The following CERS3 variants were observed in gnomAD, a reference collection of about 807,000 sequenced individuals.
CERS3 encodes the protein ceramide synthase 3.
In CERS3, 33 loss-of-function variants were observed where a neutral mutation model predicts 50.3. The ratio of observed to expected loss-of-function variants is 0.66; its 90% CI spans 0.50 to 0.88. The LOEUF (loss-of-function observed/expected upper bound fraction) is 0.88, where lower values mean the gene tolerates loss of function less well. Ranked by LOEUF, CERS3 falls within the 40% of genes least tolerant of loss-of-function variation. The pLI is 0.00. For missense variants in CERS3, 470 were observed against 460.3 expected, an observed-to-expected ratio of 1.02 and a Z score of -0.19; for synonymous variants, 176 against 155.2, an observed-to-expected ratio of 1.13 and a Z score of -0.99.
chr15:100,478,730 A>G (rs1158599050), intron 7 of CERS3, among the ~76,000 whole-genome samples: 1 of 152,200 alleles, frequency 6.6e-6, no homozygotes, highest in African/African-American at 2.4e-5. Context: ...TTTAAAAGTC[A>G]AAGGCAGTAT....
intron 10 of CERS3, among the ~76,000 whole-genome samples, chr15:100,459,303 AT>A (rs570598494): frequency 5.7e-4 from 85 of 150,008 alleles, no homozygotes; most frequent in Admixed American, 1.2e-3. Flanking sequence ...TTGTAAATAC[AT>A]TTTTTTTTTG....
intron 1 of CERS3, among the ~76,000 whole-genome samples, chr15:100,525,460 TCTC>T (rs1324762071): frequency 6.6e-6 from 1 of 152,204 alleles, no homozygotes; most frequent in African/African-American, 2.4e-5. Context: ...CCAAGCCAAA[TCTC>T]CTTCTTATCA....
chr15:100,541,214 C>A (rs2037194337), intron 1 of CERS3, among the ~76,000 whole-genome samples: 1 of 152,186 alleles, frequency 6.6e-6, no homozygotes, highest in Non-Finnish European at 1.5e-5. Flanking sequence ...CCATAACTTA[C>A]TAAGTTGGTT....
intron 11 of CERS3, among the ~76,000 whole-genome samples, chr15:100,445,981 C>G (rs956737661): frequency 2.0e-5 from 3 of 152,180 alleles, no homozygotes; most frequent in Non-Finnish European, 4.4e-5. Context: ...CATCCTGGCT[C>G]AAAAGCTCCC....
intron 10 of CERS3, among the ~76,000 whole-genome samples, chr15:100,466,812 C>CCTCCCTCTCTCCCTCTCTCCCTCT (rs1555528050): frequency 1.2e-4 from 2 of 16,208 alleles, no homozygotes; most frequent in Non-Finnish European, 1.8e-4. Context: ...TCCCTCCCTC[C>CCTCCCTCTCTCCCTCTCTCCCTCT]CTCCCTCTCT....
Position 100,434,779 on chromosome 15 carries a change from C to T in CERS3, c.999+21114G>A, listed in dbSNP as rs544075165. On this transcript the variant is annotated intron_variant, in intron 11 of 11. Transcript: ENST00000679737. ...CAGGCCACAAACTGTGCCTGTGCCC[C>T]GGTCTAAAGTTCAGATTCCATATAC... 4.6e-5 allele frequency among the ~76,000 whole-genome samples: 7 copies of T among 152,346 alleles called. No homozygotes were observed. In the South Asian group the frequency reaches 6.2e-4, roughly 14 times the overall value.
chr15:100,402,244 C>T lies in CERS3; in HGVS notation c.*469G>A, dbSNP rs2030598433. 1 of 156,230 alleles carries T rather than the reference C, an allele frequency of 6.4e-6. No individual in the cohort carries two copies. Among genetic ancestry groups the T allele is most frequent in the Non-Finnish European group, 1.4e-5 (1 of 70,696 alleles). The allele number at this position is 156,230 out of a possible 1,614,324, so 9.7% of individuals were successfully genotyped here. ...CACCTAAGCTTCAGGATGGAAGTGT[C>T]TCCTGGTGTGGTCCTTCCGCTCCTG... On this transcript the variant is annotated 3_prime_UTR_variant, in exon 12 of 12. Coordinates refer to ENST00000679737, the MANE Select transcript of CERS3 (RefSeq NM_001378789.1).
At chr15:100,456,899 A>C (rs542043042) in intron 10 of CERS3, among the ~76,000 whole-genome samples, 1 of 148,724 alleles carries the variant, frequency 6.7e-6, no homozygotes. Flanking sequence ...GTGAGCCGAG[A>C]TTGTGCCACT....
chr15:100,514,577 A>G (rs2036440129), intron 2 of CERS3, among the ~76,000 whole-genome samples: 4 of 152,202 alleles, frequency 2.6e-5, no homozygotes, highest in African/African-American at 9.6e-5. Context: ...TTTTTTAAAG[A>G]CCAGAATGTT....
chr15:100,417,338 C>A (rs575026386), intron 11 of CERS3, among the ~76,000 whole-genome samples: 1 of 151,584 alleles, frequency 6.6e-6, no homozygotes, highest in Admixed American at 6.6e-5. Context: ...CCTGGAAAAT[C>A]GGGTCACTCC....
chr15:100,415,837 A>G (rs888425308), intron 11 of CERS3, among the ~76,000 whole-genome samples: 2 of 152,066 alleles, frequency 1.3e-5, no homozygotes, highest in African/African-American at 2.4e-5. Flanking sequence ...CAAATACCTA[A>G]TGTATGTGGG....
rs140012314 is a variant in CERS3, at chr15:100,456,031, C to T, written c.861G>A (p.Thr287=). 31 of 1,606,204 alleles carry T rather than the reference C, an allele frequency of 1.9e-5. No homozygotes were observed. Among genetic ancestry groups the T allele is most frequent in the East Asian group, 1.1e-4 (5 of 44,404 alleles). ...IVFPFWILYC[T]LILPMYHLEP... is the part of the protein sequence containing the mutation. ...CGAGGTGATACATAGGCAAGATCAG[C>T]GTGCAATATAAAATCCTGAAACACC... Residue 287 remains threonine, a synonymous_variant, in exon 11 of 12, where the codon ACG becomes ACA. Transcript: ENST00000679737.
intron 10 of CERS3, 132 bp downstream of exon 10, chr15:100,469,246 T>G: frequency 1.5e-6 from 1 of 649,428 alleles, no homozygotes; most frequent in South Asian, 2.1e-5. Flanking sequence ...CATCACATTC[T>G]TTTCTCCAAC....
intron 11 of CERS3, among the ~76,000 whole-genome samples, chr15:100,451,633 G>T (rs1164149334): frequency 6.6e-6 from 1 of 152,122 alleles, no homozygotes; most frequent in Non-Finnish European, 1.5e-5. Flanking sequence ...CGTGAACCTG[G>T]GAGGCGGAGC....
At chr15:100,511,118 A>G (rs1003201817) in intron 2 of CERS3, among the ~76,000 whole-genome samples, 1 of 151,994 alleles carries the variant, frequency 6.6e-6, no homozygotes, top group Non-Finnish European at 1.5e-5. Flanking sequence ...GTGAAACTGC[A>G]TCTCCACTAA....
At chr15:100,483,781 A>ATTTTTTTTT (rs1267906519) in intron 5 of CERS3, among the ~76,000 whole-genome samples, 1,935 of 76,984 alleles carry the variant, frequency 0.025, 84 homozygotes, top group South Asian at 0.032. Context: ...AATAATTATT[A>ATTTTTTTTT]TTATTATTTT....
At position 100,503,698 on chromosome 15, in the gene CERS3, C is replaced by T. The variant is rs775067182; in HGVS notation, c.-1-1848G>A. On this transcript the variant is annotated intron_variant, in intron 2 of 11. Transcript: ENST00000679737. ...AAGCCCCCTCCCCACTTTGCTTCACCCGGGCACATGCCTGGCAGCTCTTCT... is the reference window on the plus strand; with the variant it reads ...AAGCCCCCTCCCCACTTTGCTTCACTCGGGCACATGCCTGGCAGCTCTTCT... 6.4e-6 allele frequency: 3 copies of T among 470,772 alleles called. No individual in the cohort carries two copies. The East Asian group carries it at 2.1e-4, about 33-fold the overall frequency. 29.2% of individuals were successfully genotyped at this position (470,772 alleles called of 1,614,324 possible).
chr15:100,540,709 T>C (rs2037181855), intron 1 of CERS3, among the ~76,000 whole-genome samples: 1 of 152,236 alleles, frequency 6.6e-6, no homozygotes, highest in Non-Finnish European at 1.5e-5. Flanking sequence ...TGTACCTATG[T>C]GCGCGTACAG....
chr15:100,489,962 G>A (rs2035604305), intron 4 of CERS3, among the ~76,000 whole-genome samples: 1 of 152,116 alleles, frequency 6.6e-6, no homozygotes, highest in Non-Finnish European at 1.5e-5. Context: ...TCATAGTAGA[G>A]GCAACTTAAT....
Sources: allele counts gnomAD v4.1 joint callset (sites outside exome capture counted in the v4.1 genomes callset), GRCh38; gene constraint gnomAD v4.1.1; transcripts MANE v1.5; gene names NCBI Gene and HGNC (gene_info 2026-07-23, HGNC 2026-07-21).